The following CHRDL2 variants were observed in gnomAD, a reference collection of about 807,000 sequenced individuals.
CHRDL2 encodes the protein chordin like 2, also known as chordin-like protein 2.
In CHRDL2, 41 loss-of-function variants were observed where a neutral mutation model predicts 54.3. The ratio of observed to expected loss-of-function variants is 0.76; its 90% CI spans 0.59 to 0.98. CHRDL2 has a LOEUF of 0.98. Among genes scored for constraint, CHRDL2 ranks in the 50% least tolerant of loss-of-function variants. The probability of loss-of-function intolerance (pLI) is 0.00; values close to 1 mark genes in which losing one functional copy is unlikely to be tolerated. For missense variants in CHRDL2, 518 were observed against 562.4 expected (o/e 0.92, Z 0.80); for synonymous variants, 220 against 224.3 (o/e 0.98, Z 0.17).
chr11:74,705,059 T>C (rs967208634), intron 6 of CHRDL2, among the ~76,000 whole-genome samples: 1 of 151,880 alleles, frequency 6.6e-6, no homozygotes, highest in Non-Finnish European at 1.5e-5. Context: ...TTTGCGGAGA[T>C]TTAGTTGGTG....
At chr11:74,728,057 G>A (rs147668408) in intron 1 of CHRDL2, among the ~76,000 whole-genome samples, 2 of 152,264 alleles carry the variant, frequency 1.3e-5, no homozygotes, top group African/African-American at 4.8e-5. Flanking sequence ...CAAGGTTGGA[G>A]GACTAGGGCT....
chr11:74,705,900 G>T (rs545653431), intron 6 of CHRDL2, among the ~76,000 whole-genome samples: 1 of 152,296 alleles, frequency 6.6e-6, no homozygotes, highest in East Asian at 1.9e-4. Flanking sequence ...AGGAGACCCA[G>T]GCTGAAATAG....
chr11:74,701,724 G>GGAGTT, intron 9 of CHRDL2: 3 of 640,208 alleles, frequency 4.7e-6, no homozygotes, highest in Non-Finnish European at 8.7e-6. Context: ...AAAGCACTTT[G>GGAGTT]TAAACTCCAA....
At chr11:74,697,440 C>A in intron 9 of CHRDL2, 143 bp from the exon 10 acceptor site, 6 of 647,628 alleles carry the variant, frequency 9.3e-6, no homozygotes, top group Non-Finnish European at 1.4e-5. Context: ...CTGCTGATGA[C>A]ATTTCCTCAA....
intron 6 of CHRDL2, among the ~76,000 whole-genome samples, chr11:74,705,581 G>A (rs1246107040): frequency 6.6e-6 from 1 of 152,258 alleles, no homozygotes; most frequent in Non-Finnish European, 1.5e-5. Context: ...GAATCAAACA[G>A]CTCAGTCTCC....
chr11:74,704,444 C>A, intron 7 of CHRDL2, 42 bp downstream of exon 7: 1 of 1,569,434 alleles, frequency 6.4e-7, no homozygotes, highest in East Asian at 2.4e-5. Context: ...GTCAGGGCCC[C>A]CCTTCCCTGC....
rs113028159 is a variant in CHRDL2 at position 74,710,969 on chromosome 11, G to A, written c.312C>T (p.Leu104=). The A allele has an allele frequency of 3.8e-4, 612 of 1,613,984 alleles. 3 individuals carry two copies. The African/African-American group carries it at 7.3e-3, about 19-fold the overall frequency. The change falls in exon 4 of 11, where the codon CTC becomes CTT. Residue 104 remains leucine (L), a synonymous_variant. Coordinates refer to ENST00000376332, the MANE Select transcript of CHRDL2 (RefSeq NM_001278473.3). ...GCTGGCAGGACTTTGGTGGGGCCCG[G>A]AGTCCAGAGGGAGTGTGAGGTTCTG... ...KCVEPHTPSG[L]RAPPKSCQHN...
chr11:74,708,432 T>G, intron 4 of CHRDL2, 37 bp from the exon 5 acceptor site: 29 of 1,458,214 alleles, frequency 2.0e-5, no homozygotes, highest in Non-Finnish European at 2.4e-5. Flanking sequence ...AAATGAGCTC[T>G]GATAAGGGCT....
At chr11:74,701,208 T>G in intron 9 of CHRDL2, 1 of 185,292 alleles carries the variant, frequency 5.4e-6, no homozygotes, top group Non-Finnish European at 1.1e-5. Flanking sequence ...ACCGATGTCA[T>G]GTCATTTAAT....
intron 2 of CHRDL2, among the ~76,000 whole-genome samples, chr11:74,717,966 A>AATTC (rs1565156962): frequency 6.6e-6 from 1 of 152,152 alleles, no homozygotes; most frequent in Non-Finnish European, 1.5e-5. Flanking sequence ...TCTGGACCAC[A>AATTC]TGGGGGTCTC....
At chr11:74,705,241 G>A (rs916783820) in intron 6 of CHRDL2, among the ~76,000 whole-genome samples, 1 of 152,296 alleles carries the variant, frequency 6.6e-6, no homozygotes, top group Admixed American at 6.5e-5. Flanking sequence ...TCCAGACCAG[G>A]TCTTGAGAGG....
At chr11:74,697,607 A>AT (rs1264314339) in intron 9 of CHRDL2, 1 of 490,110 alleles carries the variant, frequency 2.0e-6, no homozygotes, top group South Asian at 1.6e-5. Context: ...TCACCCTGTC[A>AT]TTCCCCTTCC....
chr11:74,731,402 G>A lies in CHRDL2; in HGVS notation c.-514C>T, dbSNP rs1330736669. The A allele has an allele frequency of 1.3e-5, 2 of 150,870 alleles. No individual in the cohort carries two copies. Among genetic ancestry groups the A allele is most frequent in the African/African-American group, 2.4e-5 (1 of 41,168 alleles). The allele number at this position is 150,870 out of a possible 1,614,324, so 9.3% of individuals were successfully genotyped here. A position where few individuals can be genotyped will look rare whatever the true frequency, so the allele number is the denominator to read the frequency against. ...CGCGGCGGCCGCGGAGGGAGGCTGA[G>A]CGCGGGCCGGCTGTGCTCGCCAAGG... On this transcript the variant is annotated 5_prime_UTR_variant, in exon 1 of 11. Coordinates refer to ENST00000376332, the MANE Select transcript of CHRDL2 (RefSeq NM_001278473.3). The surrounding 1 kb of genome is among the most constrained non-coding windows in gnomAD (Gnocchi z 4.4).
At chr11:74,710,617 CAGCGTCTA>C (rs1262710977) in intron 4 of CHRDL2, among the ~76,000 whole-genome samples, 4,439 of 152,284 alleles carry the variant, frequency 0.029, 217 homozygotes, top group African/African-American at 0.1. Context: ...TCAAGGAATG[CAGCGTCTA>C]CTGGGGGAAA....
At chr11:74,729,571 C>G (rs141639207) in intron 1 of CHRDL2, among the ~76,000 whole-genome samples, 1 of 152,236 alleles carries the variant, frequency 6.6e-6, no homozygotes, top group African/African-American at 2.4e-5. Flanking sequence ...CAGAGACACT[C>G]AGCCTGCTCT....
At position 74,731,311 on chromosome 11, in the gene CHRDL2, T is replaced by C. The variant is rs951783478; in HGVS notation, c.-423A>G. 3 of 147,760 alleles carry C rather than the reference T, an allele frequency of 2.0e-5. No homozygotes were observed. The highest frequency in any genetic ancestry group is 7.4e-5 in the African/African-American group (3 of 40,698). 9.2% of individuals were successfully genotyped at this position (147,760 alleles called of 1,614,324 possible). On this transcript the variant is annotated 5_prime_UTR_variant, in exon 1 of 11. Transcript: ENST00000376332. This position sits in a 1 kb window ranked among gnomAD's most constrained non-coding sequence, Gnocchi z 4.4. ...GAGGCGGCCGGCGCCCCCTGCTCGGTGGGCTCGGGGTCGGGCCGCGGGGGC... is the reference window on the plus strand; with the variant it reads ...GAGGCGGCCGGCGCCCCCTGCTCGGCGGGCTCGGGGTCGGGCCGCGGGGGC...
intron 10 of CHRDL2, 71 bp downstream of exon 10, chr11:74,697,134 C>A: frequency 1.6e-6 from 2 of 1,261,186 alleles, no homozygotes; most frequent in South Asian, 1.2e-5. Context: ...CCTGGGAACT[C>A]CCCGAAAGGC....
chr11:74,711,105 T>A, intron 3 of CHRDL2, 114 bp from the exon 4 acceptor site: 3 of 1,209,944 alleles, frequency 2.5e-6, no homozygotes, highest in Non-Finnish European at 3.5e-6. Context: ...GCTTGATATT[T>A]AAACCAAGCT....
Position 74,696,466 on chromosome 11 carries a change from A to C in CHRDL2, c.*43T>G. The C allele has an allele frequency of 6.8e-7, 1 of 1,478,910 alleles. No homozygotes were observed. The highest frequency in any genetic ancestry group is 2.3e-5 in the East Asian group (1 of 44,254). The allele number at this position is 1,478,910 out of a possible 1,614,324, so 91.6% of individuals were successfully genotyped here. ...AACTTCTTATTTATTAATATATAAT[A>C]ACAACAATTATACAGCTCATATCTG... On this transcript the variant is annotated 3_prime_UTR_variant, in exon 11 of 11. Transcript: ENST00000376332.
Sources: allele counts gnomAD v4.1 joint callset (sites outside exome capture counted in the v4.1 genomes callset), GRCh38; gene constraint gnomAD v4.1.1; non-coding constraint Gnocchi (gnomAD v3.1); transcripts MANE v1.5; gene names NCBI Gene and HGNC (gene_info 2026-07-23, HGNC 2026-07-21).